FLT3LG: variants seen among roughly 807,000 people sequenced by gnomAD.
FLT3LG encodes fms-related tyrosine kinase 3 ligand.
FLT3LG carries 8 observed loss-of-function variants against 30.9 expected under a neutral mutation model. The observed-to-expected ratio is 0.26, with a 90% CI of 0.15 to 0.47. The LOEUF (loss-of-function observed/expected upper bound fraction) is 0.47, where lower values mean the gene tolerates loss of function less well. Ranked by LOEUF, FLT3LG falls within the 20% of genes least tolerant of loss-of-function variation. The pLI, the probability that FLT3LG is intolerant of heterozygous loss-of-function variation, is 0.99. For missense variants in FLT3LG, 278 were observed against 306.2 expected, an observed-to-expected ratio of 0.91 and a Z score of 0.69; for synonymous variants, 123 against 135.9, an observed-to-expected ratio of 0.91 and a Z score of 0.66.
chr19:49,474,859 ATG>A (rs2079319918), intron 2 of FLT3LG, among the ~76,000 whole-genome samples, 187 bp downstream of exon 2: 1 of 107,912 alleles, frequency 9.3e-6, no homozygotes, highest in Admixed American at 1.0e-4. Flanking sequence ...TGGACAGAGG[ATG>A]GGGAGATGGA....
chr19:49,476,647 T>C lies in FLT3LG; in HGVS notation c.342+81T>C, dbSNP rs2079404438. ...AGAAGTAAAGCTCCACTAGGCCTTA[T>C]TGGCGATTTGGACCATAGCCACCCA... is the stretch of plus-strand genomic sequence containing the variant. On this transcript the variant is annotated intron_variant, in intron 5 of 8. Coordinates refer to ENST00000597551, the MANE Select transcript of FLT3LG (RefSeq NM_001459.4). This position sits in a 1 kb window ranked among gnomAD's most constrained non-coding sequence, Gnocchi z 5.3. 8.2e-6 allele frequency: 13 copies of C among 1,583,104 alleles called. No homozygotes were observed. The highest frequency in any genetic ancestry group is 1.7e-4 in the Middle Eastern group (1 of 5,882).
intron 8 of FLT3LG, among the ~76,000 whole-genome samples, chr19:49,485,466 T>C (rs1178554242): frequency 6.6e-6 from 1 of 152,096 alleles, no homozygotes; most frequent in Non-Finnish European, 1.5e-5. Flanking sequence ...TTTGCTTTTA[T>C]TGCCAAGGCT....
intron 2 of FLT3LG, 45 bp from the exon 3 acceptor site, chr19:49,475,646 T>A: frequency 6.3e-7 from 1 of 1,588,464 alleles, no homozygotes; most frequent in Non-Finnish European, 8.5e-7. Flanking sequence ...GAGGGGGCTG[T>A]GTGTGGAACA....
chr19:49,480,769 C>A lies in FLT3LG; in HGVS notation c.*21+149C>A, dbSNP rs903138793. On this transcript the variant is annotated intron_variant, in intron 8 of 8. Coordinates refer to ENST00000597551, the MANE Select transcript of FLT3LG (RefSeq NM_001459.4). ...CTCTGGGGCCAGGCGCGGTGGCTCA[C>A]GCCTGTAATCCCAGCACTTTGGGAG... is the stretch of plus-strand genomic sequence containing the variant. 13 of 762,654 alleles carry A rather than the reference C, an allele frequency of 1.7e-5. No individual in the cohort carries two copies. In the East Asian group the frequency reaches 3.5e-4, roughly 21 times the overall value. The allele number at this position is 762,654 out of a possible 1,614,324, so 47.2% of individuals were successfully genotyped here. A position where few individuals can be genotyped will look rare whatever the true frequency, so the allele number is the denominator to read the frequency against.
In FLT3LG at chr19:49,478,916, C is replaced by A. The variant is rs374893974; in HGVS notation, c.350C>A (p.Pro117His). 6 of 1,538,256 alleles carry A rather than the reference C, an allele frequency of 3.9e-6. No individual in the cohort carries two copies. Among genetic ancestry groups the A allele is most frequent in the African/African-American group, 1.4e-5 (1 of 72,124 alleles). The change falls in exon 6 of 9, where the codon CCC (proline) becomes CAC (histidine). Residue 117 changes from proline (P) to histidine (H), a missense_variant. By Grantham distance (77) the Pro-to-His change is moderately conservative. Transcript: ENST00000597551. ...TCCCTCCCCTGCTCCCAGCCCCCCCCCAGCTGTCTTCGCTTCGTCCAGACC... is the reference window on the plus strand; with the variant it reads ...TCCCTCCCCTGCTCCCAGCCCCCCCACAGCTGTCTTCGCTTCGTCCAGACC... ...FVTKCAFQPP[P>H]SCLRFVQTNI...
intron 8 of FLT3LG, among the ~76,000 whole-genome samples, chr19:49,482,557 G>A (rs1032741724): frequency 6.6e-6 from 1 of 152,092 alleles, no homozygotes; most frequent in African/African-American, 2.4e-5. Context: ...ACACAGGCAA[G>A]GCTCTTAGAG....
Position 49,475,781 on chromosome 19 carries a change from G to A in FLT3LG, c.124G>A (p.Ala42Thr), listed in dbSNP as rs1413770713. 2.5e-6 allele frequency: 4 copies of A among 1,612,412 alleles called. No individual in the cohort carries two copies. The highest frequency in any genetic ancestry group is 1.3e-5 in the African/African-American group (1 of 74,838). Residue 42 changes from alanine (A) to threonine (T), a missense_variant, in exon 3 of 9, where the codon GCT (alanine) becomes ACT (threonine). Coordinates refer to ENST00000597551, the MANE Select transcript of FLT3LG (RefSeq NM_001459.4). ...FQHSPISSDF[A>T]VKIRELSDYL... ...ACACAGCCCCATCTCCTCCGACTTC[G>A]CTGTCAAAATCCGTGAGCTGGTGAG...
chr19:49,476,300 A>C lies in FLT3LG; in HGVS notation c.198+102A>C. Reference sequence around the variant, plus strand: ...ACCAGGCCCTCCCCTCCCCAAACCCAGGAATCAGAGTCCTCAGCCCCTCCT... The same window carrying C: ...ACCAGGCCCTCCCCTCCCCAAACCCCGGAATCAGAGTCCTCAGCCCCTCCT... On this transcript the variant is annotated intron_variant, in intron 4 of 8. Coordinates refer to ENST00000597551, the MANE Select transcript of FLT3LG (RefSeq NM_001459.4). This position sits in a 1 kb window ranked among gnomAD's most constrained non-coding sequence, Gnocchi z 5.3. 2 of 1,444,402 alleles carry C rather than the reference A, an allele frequency of 1.4e-6. No individual in the cohort carries two copies. Among genetic ancestry groups the C allele is most frequent in the Non-Finnish European group, 1.9e-6 (2 of 1,034,490 alleles). 89.5% of individuals were successfully genotyped at this position (1,444,402 alleles called of 1,614,324 possible). A position where few individuals can be genotyped will look rare whatever the true frequency, so the allele number is the denominator to read the frequency against.
At position 49,474,609 on chromosome 19, in the gene FLT3LG, C is replaced by T. The variant is rs937486189; in HGVS notation, c.-31C>T. ...TTCTTCTGTCCCTTCCAAGACCCGG[C>T]GACAGGAGGCATGAGGGGCCCCCGG... On this transcript the variant is annotated 5_prime_UTR_variant, in exon 2 of 9. Transcript: ENST00000597551. 6.8e-6 allele frequency: 11 copies of T among 1,611,190 alleles called. No individual in the cohort carries two copies. The African/African-American group carries it at 1.1e-4, about 16-fold the overall frequency.
intron 5 of FLT3LG, 106 bp from the exon 6 acceptor site, chr19:49,478,803 T>A: frequency 2.0e-6 from 2 of 1,013,902 alleles, no homozygotes; most frequent in Non-Finnish European, 2.7e-6. Flanking sequence ...GAGCCAGAGC[T>A]CACTGGGCCC....
At position 49,480,417 on chromosome 19, in the gene FLT3LG, G is replaced by T. The variant is rs748863027; in HGVS notation, c.601G>T (p.Ala201Ser). 2 of 1,604,264 alleles carry T rather than the reference G, an allele frequency of 1.2e-6. No homozygotes were observed. The highest frequency in any genetic ancestry group is 1.3e-5 in the African/African-American group (1 of 74,696). ...LLPVGLLLLA[A>S]AWCLHWQRTR... is the part of the protein sequence containing the mutation. The stretch of plus-strand genomic sequence containing the variant: ...GCCCGTGGGCCTCCTGCTGCTGGCC[G>T]CTGCCTGGTGCCTGCACTGGCAGAG... The change falls in exon 7 of 9, where the codon GCT becomes TCT. Residue 201 changes from alanine to serine, a missense_variant. Coordinates refer to ENST00000597551, the MANE Select transcript of FLT3LG (RefSeq NM_001459.4).
chr19:49,476,584 G>A lies in FLT3LG; in HGVS notation c.342+18G>A. 6.2e-7 allele frequency: 1 copy of A among 1,613,766 alleles called. No individual in the cohort carries two copies. The highest frequency in any genetic ancestry group is 2.2e-5 in the East Asian group (1 of 44,878). On this transcript the variant is annotated intron_variant, in intron 5 of 8. Coordinates refer to ENST00000597551, the MANE Select transcript of FLT3LG (RefSeq NM_001459.4). The surrounding 1 kb of genome is among the most constrained non-coding windows in gnomAD (Gnocchi z 5.3). ...CCTTTCAGGTCAGCCCTCAACTTAGGGGACAAGTGAGGGGAGGGAGATGCC... is the reference window on the plus strand; with the variant it reads ...CCTTTCAGGTCAGCCCTCAACTTAGAGGACAAGTGAGGGGAGGGAGATGCC...
In FLT3LG at chr19:49,475,632, G is replaced by A. The variant is rs754283727; in HGVS notation, c.34-59G>A. Reference sequence around the variant, plus strand: ...ACAGAACAGTACAGGTGGGAAGCCCGGAGGAGGGGGCTGTGTGTGGAACAG... The same window carrying A: ...ACAGAACAGTACAGGTGGGAAGCCCAGAGGAGGGGGCTGTGTGTGGAACAG... On this transcript the variant is annotated intron_variant, in intron 2 of 8. Transcript: ENST00000597551. 3.7e-5 allele frequency: 58 copies of A among 1,563,562 alleles called. No homozygotes were observed. The East Asian group carries it at 5.5e-4, about 15-fold the overall frequency.
At chr19:49,477,370 G>C (rs555564116) in intron 5 of FLT3LG, among the ~76,000 whole-genome samples, 1 of 152,090 alleles carries the variant, frequency 6.6e-6, no homozygotes, top group Non-Finnish European at 1.5e-5. Flanking sequence ...CTTGAGCCCT[G>C]GAGGTCGAGG....
At chr19:49,479,297 C>T (rs1480618060) in intron 6 of FLT3LG, among the ~76,000 whole-genome samples, 1 of 150,494 alleles carries the variant, frequency 6.6e-6, no homozygotes, top group East Asian at 1.9e-4. Context: ...CGGGTTCATG[C>T]CATTCTCCTG....
At chr19:49,484,439 C>T (rs1315043455) in intron 8 of FLT3LG, among the ~76,000 whole-genome samples, 6 of 151,670 alleles carry the variant, frequency 4.0e-5, no homozygotes, top group Admixed American at 1.3e-4. Flanking sequence ...GGATTACAAG[C>T]GCCTGCCACC....
At chr19:49,475,571 G>C in intron 2 of FLT3LG, 120 bp from the exon 3 acceptor site, 1 of 1,318,184 alleles carries the variant, frequency 7.6e-7, no homozygotes, top group South Asian at 1.4e-5. Context: ...GTGTGGAAGA[G>C]GCAGAAGGAC....
At chr19:49,479,741 C>CAG in intron 6 of FLT3LG, 1 of 161,264 alleles carries the variant, frequency 6.2e-6, no homozygotes, top group Non-Finnish European at 1.4e-5. Context: ...CTCCTGACCT[C>CAG]GTGATCTGCC....
chr19:49,482,723 G>GT (rs2079655709), intron 8 of FLT3LG, among the ~76,000 whole-genome samples: 1 of 151,396 alleles, frequency 6.6e-6, no homozygotes, highest in East Asian at 2.0e-4. Context: ...CACCTCCCGG[G>GT]TTCAAGCGAT....
Sources: gnomAD v4.1 joint callset for allele counts (sites outside exome capture counted in the v4.1 genomes callset) on GRCh38, gnomAD v4.1.1 for gene constraint, Gnocchi (gnomAD v3.1) non-coding constraint, MANE v1.5 for transcripts, NCBI Gene and HGNC (gene_info 2026-07-23, HGNC 2026-07-21) for gene names.